Variants in KAZN observed in about 807,000 individuals in gnomAD.
KAZN encodes kazrin.
A neutral mutation model predicts 87.4 loss-of-function variants in KAZN; 40 were observed. That is an observed-to-expected ratio of 0.46 (90% CI 0.36 to 0.60). The LOEUF is 0.60. KAZN is among the 20% of genes least tolerant of loss of function. The probability of loss-of-function intolerance (pLI) is 0.00; values close to 1 mark genes in which losing one functional copy is unlikely to be tolerated. For missense variants in KAZN, 898 were observed against 1,073.9 expected (o/e 0.84, Z 2.29); for synonymous variants, 466 against 458.3 (o/e 1.02, Z -0.22).
At chr1:14,175,477 G>A (rs1358987449) in intron 1 of KAZN, among the ~76,000 whole-genome samples, 1 of 152,208 alleles carries the variant, frequency 6.6e-6, no homozygotes, top group African/African-American at 2.4e-5. Flanking sequence ...GAGCAGACAG[G>A]GAGGTGCTTA....
At chr1:15,057,001 G>C (rs535436853) in intron 5 of KAZN, among the ~76,000 whole-genome samples, 2 of 152,382 alleles carry the variant, frequency 1.3e-5, no homozygotes, top group Admixed American at 1.3e-4. Flanking sequence ...ATGCACCAGA[G>C]GTAAGAGCTG....
At chr1:14,322,213 C>T (rs892636697) in intron 2 of KAZN, among the ~76,000 whole-genome samples, 35 of 152,040 alleles carry the variant, frequency 2.3e-4, no homozygotes, top group African/African-American at 7.5e-4. Flanking sequence ...ATAGCTTGAG[C>T]CTAGGAGTTT....
At chr1:14,323,532 A>C (rs1401960207) in intron 2 of KAZN, among the ~76,000 whole-genome samples, 4 of 152,124 alleles carry the variant, frequency 2.6e-5, no homozygotes, top group African/African-American at 9.7e-5. Context: ...CCAGAACTAG[A>C]ACATTCCAGC....
intron 2 of KAZN, among the ~76,000 whole-genome samples, chr1:14,182,029 G>A (rs995109349): frequency 1.3e-5 from 2 of 151,844 alleles, no homozygotes; most frequent in East Asian, 3.9e-4. Context: ...TTCCGGAAAT[G>A]TTTGCTCCCA....
intron 2 of KAZN, among the ~76,000 whole-genome samples, chr1:14,979,444 A>G (rs1557681427): frequency 6.6e-6 from 1 of 152,014 alleles, no homozygotes; most frequent in Non-Finnish European, 1.5e-5. Flanking sequence ...ATATAAAGTG[A>G]GCCCAGCATG....
chr1:15,096,976 G>A lies in KAZN; in HGVS notation c.1547+2043G>A, dbSNP rs921282486. Among the ~76,000 whole-genome samples the A allele has an allele frequency of 2.6e-5, 4 of 152,190 alleles. No individual in the cohort carries two copies. Among genetic ancestry groups the A allele is most frequent in the African/African-American group, 9.7e-5 (4 of 41,440 alleles). ...AGGAGTCTGTGGTCCCAGGGATCGTGGAGCCCCACCCTTAGACACCCCCAG... is the reference window on the plus strand; with the variant it reads ...AGGAGTCTGTGGTCCCAGGGATCGTAGAGCCCCACCCTTAGACACCCCCAG... On this transcript the variant is annotated intron_variant, in intron 10 of 14. Transcript: ENST00000376030. The surrounding 1 kb of genome is among the most constrained non-coding windows in gnomAD (Gnocchi z 4.5).
At chr1:14,561,873 C>T (rs1674276556) in intron 2 of KAZN, among the ~76,000 whole-genome samples, 1 of 151,270 alleles carries the variant, frequency 6.6e-6, no homozygotes, top group African/African-American at 2.4e-5. Context: ...CACTGCACTC[C>T]AGCCTTCATG....
chr1:14,002,893 G>C (rs191039913), intron 1 of KAZN, among the ~76,000 whole-genome samples: 3 of 152,208 alleles, frequency 2.0e-5, no homozygotes, highest in Admixed American at 6.5e-5. Context: ...CTACTATAAA[G>C]ACACACGCAC....
chr1:15,100,748 A>T (rs1054008337), intron 10 of KAZN, among the ~76,000 whole-genome samples: 2 of 152,246 alleles, frequency 1.3e-5, no homozygotes, highest in Non-Finnish European at 2.9e-5. Context: ...TTCTGACTCC[A>T]AGATGAGCCA....
intron 1 of KAZN, among the ~76,000 whole-genome samples, chr1:14,158,682 A>T (rs2101819588): frequency 6.6e-6 from 1 of 152,192 alleles, no homozygotes; most frequent in East Asian, 2.0e-4. Flanking sequence ...ATGTCTGGGC[A>T]TTGAAGAGTT....
intron 10 of KAZN, among the ~76,000 whole-genome samples, chr1:15,101,022 G>T (rs1415760598): frequency 6.6e-6 from 1 of 152,180 alleles, no homozygotes; most frequent in African/African-American, 2.4e-5. Flanking sequence ...CCCCAGAGGT[G>T]CTGCCTCCTG....
At chr1:14,704,109 A>C in intron 1 of KAZN, among the ~76,000 whole-genome samples, 1 of 152,208 alleles carries the variant, frequency 6.6e-6, no homozygotes, top group East Asian at 1.9e-4. Flanking sequence ...TTATCCTTCA[A>C]GTAAGTCCCT....
chr1:14,826,318 C>T (rs1009568950), intron 1 of KAZN, among the ~76,000 whole-genome samples: 4 of 152,254 alleles, frequency 2.6e-5, no homozygotes, highest in African/African-American at 9.6e-5. Context: ...GAATCTGTCT[C>T]ATTGTCAGGC....
chr1:14,838,831 C>T (rs60853405), intron 1 of KAZN, among the ~76,000 whole-genome samples: 1 of 151,986 alleles, frequency 6.6e-6, no homozygotes, highest in Non-Finnish European at 1.5e-5. Flanking sequence ...TCTATTGGCC[C>T]GGCTGATCTT....
At chr1:14,649,789 C>A (rs1638231154) in intron 1 of KAZN, among the ~76,000 whole-genome samples, 1 of 152,150 alleles carries the variant, frequency 6.6e-6, no homozygotes, top group African/African-American at 2.4e-5. Context: ...CCAACATCAT[C>A]TTATTTTAAT....
chr1:14,446,840 C>T (rs1667009523), intron 2 of KAZN, among the ~76,000 whole-genome samples: 1 of 152,074 alleles, frequency 6.6e-6, no homozygotes, highest in African/African-American at 2.4e-5. Flanking sequence ...ATCCCCATCC[C>T]TACCCCATAT....
intron 2 of KAZN, among the ~76,000 whole-genome samples, chr1:14,505,058 C>T (rs1470255866): frequency 6.6e-6 from 1 of 152,144 alleles, no homozygotes; most frequent in African/African-American, 2.4e-5. Context: ...CTTCCTCATC[C>T]CTTTTCTGCT....
intron 1 of KAZN, among the ~76,000 whole-genome samples, chr1:14,790,563 C>T (rs111966967): frequency 1.8e-3 from 278 of 152,176 alleles, no homozygotes; most frequent in African/African-American, 6.4e-3. Flanking sequence ...CCCTAAAAAG[C>T]AAAGGGGCTT....
chr1:14,268,545 G>A (rs1163017921), intron 2 of KAZN, among the ~76,000 whole-genome samples: 6 of 151,994 alleles, frequency 3.9e-5, no homozygotes, highest in Non-Finnish European at 7.4e-5. Context: ...AGGCAGGATG[G>A]AGGGGAAGGA....
Sources: gnomAD v4.1 joint callset for allele counts (sites outside exome capture counted in the v4.1 genomes callset) on GRCh38, gnomAD v4.1.1 for gene constraint, Gnocchi (gnomAD v3.1) non-coding constraint, MANE v1.5 for transcripts, NCBI Gene and HGNC (gene_info 2026-07-23, HGNC 2026-07-21) for gene names.